MGMT: variants seen among roughly 807,000 people sequenced by gnomAD.
MGMT encodes methylated-DNA--protein-cysteine methyltransferase.
In MGMT, 14 loss-of-function variants were observed where a neutral mutation model predicts 15.9. The ratio of observed to expected loss-of-function variants is 0.88; its 90% CI spans 0.58 to 1.37. The LOEUF (loss-of-function observed/expected upper bound fraction) is 1.37. MGMT is among the 40% of genes most tolerant of loss of function. The pLI is 0.00. For synonymous variants in MGMT, 130 were observed against 118.2 expected, an observed-to-expected ratio of 1.10 and a Z score of -0.65; for missense variants, 282 against 268.1, an observed-to-expected ratio of 1.05 and a Z score of -0.36.
intron 3 of MGMT, among the ~76,000 whole-genome samples, chr10:129,749,144 A>G (rs1848726536): frequency 6.6e-6 from 1 of 152,120 alleles, no homozygotes; most frequent in Non-Finnish European, 1.5e-5. Flanking sequence ...GTTGTTGTTA[A>G]TTTACATACA....
At position 129,770,853 on chromosome 10, in the gene MGMT, G is replaced by T. The variant is rs894743003; in HGVS notation, c.*3856G>T. On this transcript the variant is annotated 3_prime_UTR_variant, in exon 5 of 5. Transcript: ENST00000651593. ...TTGCCATCGGGGCAGTGGAGTCCCC[G>T]GAAACAGTCCAAGGCCCTGGGGTGG... Among the ~76,000 whole-genome samples, 2 of 146,044 alleles carry T rather than the reference G, an allele frequency of 1.4e-5. No individual in the cohort carries two copies. The highest frequency in any genetic ancestry group is 3.4e-3 in the Middle Eastern group (1 of 292).
At chr10:129,578,088 C>G (rs924010705) in intron 2 of MGMT, among the ~76,000 whole-genome samples, 4 of 152,120 alleles carry the variant, frequency 2.6e-5, no homozygotes, top group Non-Finnish European at 5.9e-5. Flanking sequence ...GTTGGTGGGA[C>G]TGTAAAGTAG....
At chr10:129,762,198 G>T (rs942034667) in intron 4 of MGMT, among the ~76,000 whole-genome samples, 1 of 152,172 alleles carries the variant, frequency 6.6e-6, no homozygotes, top group Non-Finnish European at 1.5e-5. Context: ...GCTGAGACTC[G>T]CTCATTGAAA....
intron 1 of MGMT, among the ~76,000 whole-genome samples, chr10:129,508,577 C>T (rs1416904495): frequency 2.1e-5 from 3 of 144,322 alleles, no homozygotes; most frequent in Admixed American, 7.1e-5. Context: ...TGGAGTTTTG[C>T]TCTTGTTGCC....
rs1235369515 is a variant in MGMT, at chr10:129,533,375, C to T, written c.-12-2866C>T. ...AGGTGCTCGGGGCTGGCCAGGATCCCCACCTGAGTCTGGAGCCCTGAGCCC... is the reference window on the plus strand; with the variant it reads ...AGGTGCTCGGGGCTGGCCAGGATCCTCACCTGAGTCTGGAGCCCTGAGCCC... On this transcript the variant is annotated intron_variant, in intron 1 of 4. Coordinates refer to ENST00000651593, the MANE Select transcript of MGMT (RefSeq NM_002412.5). This position sits in a 1 kb window ranked among gnomAD's most constrained non-coding sequence, Gnocchi z 4.5. Among the ~76,000 whole-genome samples, 1 of 152,162 alleles carries T rather than the reference C, an allele frequency of 6.6e-6. No individual in the cohort carries two copies. The highest frequency in any genetic ancestry group is 1.5e-5 in the Non-Finnish European group (1 of 68,040).
chr10:129,664,392 CT>C (rs1177310375), intron 2 of MGMT, among the ~76,000 whole-genome samples: 5 of 152,168 alleles, frequency 3.3e-5, no homozygotes, highest in African/African-American at 9.7e-5. Context: ...GGAGAACCCC[CT>C]GTGAAGAAGA....
intron 2 of MGMT, among the ~76,000 whole-genome samples, chr10:129,618,059 C>A (rs551904116): frequency 1.3e-5 from 2 of 152,168 alleles, no homozygotes; most frequent in Admixed American, 6.5e-5. Flanking sequence ...CTGGAGGCAT[C>A]TCTGAAATTT....
intron 2 of MGMT, among the ~76,000 whole-genome samples, chr10:129,561,644 A>C (rs899540725): frequency 6.6e-6 from 1 of 152,172 alleles, no homozygotes; most frequent in African/African-American, 2.4e-5. Context: ...GTAATTATGC[A>C]TGGAGAGGGC....
intron 2 of MGMT, among the ~76,000 whole-genome samples, chr10:129,612,810 T>G (rs964092021): frequency 3.3e-5 from 5 of 152,180 alleles, no homozygotes; most frequent in African/African-American, 1.2e-4. Flanking sequence ...TGTAAAATAT[T>G]TAAAGAGGTA....
At chr10:129,706,871 A>G (rs1414650617) in intron 2 of MGMT, among the ~76,000 whole-genome samples, 34 of 152,124 alleles carry the variant, frequency 2.2e-4, no homozygotes, top group Non-Finnish European at 1.5e-5. Context: ...CCACAGATGA[A>G]TGAACACCCC....
At chr10:129,707,632 A>G (rs1848180008) in intron 2 of MGMT, among the ~76,000 whole-genome samples, 1 of 152,132 alleles carries the variant, frequency 6.6e-6, no homozygotes, top group Admixed American at 6.5e-5. Flanking sequence ...TTACAAAGGG[A>G]CACTGTCACT....
At chr10:129,680,816 C>A (rs577322754) in intron 2 of MGMT, among the ~76,000 whole-genome samples, 20 of 152,310 alleles carry the variant, frequency 1.3e-4, no homozygotes, top group Non-Finnish European at 2.2e-4. Flanking sequence ...CCAGCGCCAT[C>A]GCCACTCCGT....
At chr10:129,504,039 CT>C (rs1228095703) in intron 1 of MGMT, among the ~76,000 whole-genome samples, 2 of 152,216 alleles carry the variant, frequency 1.3e-5, no homozygotes, top group African/African-American at 2.4e-5. Flanking sequence ...AGTTCGTAAT[CT>C]GCCTTTTACA....
chr10:129,540,280 T>C (rs1589857188), intron 2 of MGMT, among the ~76,000 whole-genome samples: 1 of 152,200 alleles, frequency 6.6e-6, no homozygotes, highest in South Asian at 2.1e-4. Context: ...CAGGGTTGTT[T>C]TGAGATTGCT....
intron 2 of MGMT, among the ~76,000 whole-genome samples, chr10:129,608,980 G>A (rs1004765828): frequency 2.0e-5 from 3 of 152,216 alleles, no homozygotes; most frequent in Admixed American, 6.5e-5. Context: ...TGTCCCTGTC[G>A]GGGCCTGCTC....
chr10:129,768,963 C>T lies in MGMT; in HGVS notation c.*1966C>T, dbSNP rs1564790094. The T allele has an allele frequency of 6.6e-6, 1 of 152,342 alleles. No individual in the cohort carries two copies. The highest frequency in any genetic ancestry group is 2.1e-4 in the South Asian group (1 of 4,832). 9.4% of individuals were successfully genotyped at this position (152,342 alleles called of 1,614,324 possible). ...TGAGATCTTCAGGTCTCTCATCAGG[C>T]ACAGGCTCTGAGGGAGGGTCCTGGG... On this transcript the variant is annotated 3_prime_UTR_variant, in exon 5 of 5. Transcript: ENST00000651593.
chr10:129,709,854 A>G (rs1390829996), intron 3 of MGMT, among the ~76,000 whole-genome samples: 1 of 152,140 alleles, frequency 6.6e-6, no homozygotes, highest in Non-Finnish European at 1.5e-5. Flanking sequence ...GAAGAACCGG[A>G]GGAGGAGGCC....
rs117862346 is a variant in MGMT, at chr10:129,520,680, A to G, written c.-12-15561A>G. 6.1e-3 allele frequency among the ~76,000 whole-genome samples: 924 copies of G among 151,402 alleles called. 7 individuals are homozygous for G. Among genetic ancestry groups the G allele is most frequent in the Middle Eastern group, 0.01 (3 of 288 alleles). On this transcript the variant is annotated intron_variant, in intron 1 of 4. Transcript: ENST00000651593. ...CCTACAGTGTATGTGCAGAGCCCCT[A>G]CGGTGCGGGTACAGAACCCCTACGG...
intron 3 of MGMT, among the ~76,000 whole-genome samples, chr10:129,744,939 C>T (rs565598253): frequency 4.8e-4 from 73 of 152,136 alleles, no homozygotes; most frequent in Non-Finnish European, 6.2e-4. Flanking sequence ...ACCCAGTAGG[C>T]GCTTACTGTA....
Sources: allele counts gnomAD v4.1 joint callset (sites outside exome capture counted in the v4.1 genomes callset), GRCh38; gene constraint gnomAD v4.1.1; non-coding constraint Gnocchi (gnomAD v3.1); transcripts MANE v1.5; gene names NCBI Gene and HGNC (gene_info 2026-07-23, HGNC 2026-07-21).